Variants in CACNB3 observed in about 807,000 individuals in gnomAD.
The protein encoded by CACNB3 is voltage-dependent L-type calcium channel subunit beta-3.
CACNB3 carries 36 observed loss-of-function variants against 63.7 expected under a neutral mutation model. That is an observed-to-expected ratio of 0.57 (90% confidence interval 0.43 to 0.75). CACNB3 has a LOEUF of 0.75. Ranked by LOEUF, CACNB3 falls within the 30% of genes least tolerant of loss-of-function variation. CACNB3 has a pLI of 0.00. For synonymous variants in CACNB3, 241 were observed against 250.6 expected, an observed-to-expected ratio of 0.96 and a Z score of 0.36; for missense variants, 493 against 648.6, an observed-to-expected ratio of 0.76 and a Z score of 2.61.
At chr12:48,817,894 C>T (rs1942323269), upstream of CACNB3, 1 of 152,316 alleles carries the variant, frequency 6.6e-6, no homozygotes, top group Admixed American at 6.5e-5. Context: ...CTGGCACAAT[C>T]CTTGGCAGGG....
At position 48,826,514 on chromosome 12, in the gene CACNB3, C is replaced by CAAAG; in HGVS notation, c.891_894dup (p.Val299LysfsTer26). 1 of 1,613,886 alleles carries CAAAG rather than the reference C, an allele frequency of 6.2e-7. No individual in the cohort carries two copies. The highest frequency in any genetic ancestry group is 8.5e-7 in the Non-Finnish European group (1 of 1,179,894). On this transcript the variant is annotated frameshift_variant, in exon 10 of 13. Coordinates refer to ENST00000301050, the MANE Select transcript of CACNB3 (RefSeq NM_000725.4). LOFTEE classifies it high-confidence loss of function. This position sits in a 1 kb window ranked among gnomAD's most constrained non-coding sequence, Gnocchi z 4.8. ...ATCGTCTTTGTCAAAGTGTCCTCACCAAAGGTAAGTCAGCTGGGCTCATGG... is the reference window on the plus strand; with the variant it reads ...ATCGTCTTTGTCAAAGTGTCCTCACCAAAGAAAGGTAAGTCAGCTGGGCTCATGG...
In CACNB3 at chr12:48,825,314, G is replaced by C; in HGVS notation, c.573+71G>C. ...GCCACAGGAAGTCCCTAGGGAAAGT[G>C]GAAGGGGTGTGTCTCCTCCGTCCAG... On this transcript the variant is annotated intron_variant, in intron 7 of 12. Transcript: ENST00000301050. This position sits in a 1 kb window ranked among gnomAD's most constrained non-coding sequence, Gnocchi z 4.5. 1 of 1,576,956 alleles carries C rather than the reference G, an allele frequency of 6.3e-7. No homozygotes were observed. Among genetic ancestry groups the C allele is most frequent in the Non-Finnish European group, 8.7e-7 (1 of 1,147,564 alleles).
chr12:48,823,516 C>T lies in CACNB3; in HGVS notation c.168+50C>T. 9 of 1,605,034 alleles carry T rather than the reference C, an allele frequency of 5.6e-6. No individual in the cohort carries two copies. Among genetic ancestry groups the T allele is most frequent in the Non-Finnish European group, 7.7e-6 (9 of 1,175,198 alleles). The stretch of plus-strand genomic sequence containing the variant: ...GACAGGAGGCCAAGCTAGGTGGAAA[C>T]CTGCACTCGGTCCTAAGTCCCAAGG... On this transcript the variant is annotated intron_variant, in intron 2 of 12. Coordinates refer to ENST00000301050, the MANE Select transcript of CACNB3 (RefSeq NM_000725.4). This position sits in a 1 kb window ranked among gnomAD's most constrained non-coding sequence, Gnocchi z 4.2.
In CACNB3 at chr12:48,825,197, C is replaced by T; in HGVS notation, c.527C>T (p.Ser176Phe). The change falls in exon 7 of 13, where the codon TCC becomes TTC. Residue 176 changes from serine to phenylalanine, a missense_variant. By Grantham distance (155) the Ser-to-Phe change is radical. Coordinates refer to ENST00000301050, the MANE Select transcript of CACNB3 (RefSeq NM_000725.4). This position sits in a 1 kb window ranked among gnomAD's most constrained non-coding sequence, Gnocchi z 4.5. The stretch of plus-strand genomic sequence containing the variant: ...GTTCCCCCATATGACGTGGTGCCCT[C>T]CATGCGGCCTGTGGTGCTGGTGGGA... ...EHVPPYDVVP[S>F]MRPVVLVGPS... 1 of 1,614,128 alleles carries T rather than the reference C, an allele frequency of 6.2e-7. No individual in the cohort carries two copies. The highest frequency in any genetic ancestry group is 8.5e-7 in the Non-Finnish European group (1 of 1,180,026).
upstream of CACNB3, chr12:48,814,838 T>G: frequency 2.8e-6 from 1 of 354,758 alleles, no homozygotes; most frequent in Non-Finnish European, 5.1e-6. The surrounding 1 kb of genome is among the most constrained non-coding windows in gnomAD (Gnocchi z 6.9). Flanking sequence ...AGGGCGCGTG[T>G]AGCCGCCGGG....
chr12:48,821,325 T>C (rs961819347), intron 1 of CACNB3: 2 of 152,048 alleles, frequency 1.3e-5, no homozygotes, highest in African/African-American at 4.8e-5. Context: ...AGATCCTGTC[T>C]CTACAAAAAA....
chr12:48,822,471 G>A (rs989756594), intron 1 of CACNB3, among the ~76,000 whole-genome samples: 5 of 152,116 alleles, frequency 3.3e-5, no homozygotes. Flanking sequence ...ACATCCCCGG[G>A]GTCCTGCTCC....
rs1399980171 is a variant in CACNB3 at position 48,826,945 on chromosome 12, C to T, written c.991-29C>T. 6.2e-7 allele frequency: 1 copy of T among 1,613,406 alleles called. No individual in the cohort carries two copies. The highest frequency in any genetic ancestry group is 8.5e-7 in the Non-Finnish European group (1 of 1,179,648). Reference sequence around the variant, plus strand: ...TGGGGGGCTGCTACTGAGGGGAAACCAACGTTGCGCCTTCCTCCCCCTCCC... The same window carrying T: ...TGGGGGGCTGCTACTGAGGGGAAACTAACGTTGCGCCTTCCTCCCCCTCCC... On this transcript the variant is annotated intron_variant, in intron 11 of 12. Coordinates refer to ENST00000301050, the MANE Select transcript of CACNB3 (RefSeq NM_000725.4). The surrounding 1 kb of genome is among the most constrained non-coding windows in gnomAD (Gnocchi z 4.8).
upstream of CACNB3, chr12:48,815,632 C>T: frequency 6.5e-7 from 1 of 1,534,134 alleles, no homozygotes; most frequent in South Asian, 1.2e-5. Context: ...CCGGGTTTTG[C>T]TCCCGCCTCG....
Position 48,823,740 on chromosome 12 carries a change from G to A in CACNB3, c.228G>A (p.Glu76=). ...TNVSYCGVLD[E]ECPVQGSGVN... is the part of the protein sequence containing the mutation. ...TCAGCTACTGTGGCGTACTGGATGA[G>A]GAGTGCCCAGTCCAGGGCTCTGGAG... Residue 76 remains glutamate (E), a synonymous_variant, in exon 3 of 13, where the codon GAG becomes GAA. Coordinates refer to ENST00000301050, the MANE Select transcript of CACNB3 (RefSeq NM_000725.4). This position sits in a 1 kb window ranked among gnomAD's most constrained non-coding sequence, Gnocchi z 4.2. The A allele has an allele frequency of 6.2e-7, 1 of 1,614,126 alleles. No homozygotes were observed. Among genetic ancestry groups the A allele is most frequent in the Non-Finnish European group, 8.5e-7 (1 of 1,179,994 alleles).
intron 3 of CACNB3, 38 bp from the exon 4 acceptor site, chr12:48,824,220 C>G (rs751821093): frequency 8.5e-6 from 13 of 1,529,574 alleles, no homozygotes; most frequent in Middle Eastern, 1.7e-4. Context: ...GGGCGGGGCG[C>G]TTCTCTCACC....
rs886684146 is a variant in CACNB3 at position 48,818,632 on chromosome 12, G to A, written c.-298G>A. 3 of 1,121,598 alleles carry A rather than the reference G, an allele frequency of 2.7e-6. No homozygotes were observed. Among genetic ancestry groups the A allele is most frequent in the South Asian group, 3.5e-5 (1 of 28,782 alleles). 69.5% of individuals were successfully genotyped at this position (1,121,598 alleles called of 1,614,324 possible). On this transcript the variant is annotated 5_prime_UTR_variant, in exon 1 of 13. Coordinates refer to ENST00000301050, the MANE Select transcript of CACNB3 (RefSeq NM_000725.4). The surrounding 1 kb of genome is among the most constrained non-coding windows in gnomAD (Gnocchi z 4.3). Reference sequence around the variant, plus strand: ...CCCCTCGCCGCCCCCGCCTTCTCCCGGGGAGGGGGTCAGGTGGGCGGGCAC... The same window carrying A: ...CCCCTCGCCGCCCCCGCCTTCTCCCAGGGAGGGGGTCAGGTGGGCGGGCAC...
chr12:48,815,571 GGCGTGGGGCGAGGCCAGGCGT>G, upstream of CACNB3: 1 of 1,520,556 alleles, frequency 6.6e-7, no homozygotes, highest in Non-Finnish European at 8.8e-7. Flanking sequence ...GAGCCCGGCG[GGCGTGGGGCGAGGCCAGGCGT>G]GCAGGCGGGA....
intron 1 of CACNB3, among the ~76,000 whole-genome samples, chr12:48,822,720 T>G (rs1937919395): frequency 6.6e-6 from 1 of 152,130 alleles, no homozygotes; most frequent in African/African-American, 2.4e-5. Context: ...GGAGGTAACT[T>G]CTAGGAGCTG....
chr12:48,822,680 A>G (rs908012914), intron 1 of CACNB3, among the ~76,000 whole-genome samples: 3 of 152,164 alleles, frequency 2.0e-5, no homozygotes, highest in Admixed American at 2.0e-4. Flanking sequence ...GTGTGGAAGG[A>G]AGAAAAGTAG....
At chr12:48,815,687 A>C, upstream of CACNB3, 1 of 1,368,006 alleles carries the variant, frequency 7.3e-7, no homozygotes, top group Non-Finnish European at 9.6e-7. Context: ...AGCCTGGTCT[A>C]TGTCTTTTTC....
Position 48,823,755 on chromosome 12 carries a change from G to C in CACNB3, c.243G>C (p.Gln81His), listed in dbSNP as rs748191475. The change falls in exon 3 of 13, where the codon CAG becomes CAC. Residue 81 changes from glutamine to histidine, a missense_variant. By Grantham distance (24) the Gln-to-His change is conservative. Transcript: ENST00000301050. This position sits in a 1 kb window ranked among gnomAD's most constrained non-coding sequence, Gnocchi z 4.2. Reference sequence around the variant, plus strand: ...TACTGGATGAGGAGTGCCCAGTCCAGGGCTCTGGAGTCAACTTTGAGGCCA... The same window carrying C: ...TACTGGATGAGGAGTGCCCAGTCCACGGCTCTGGAGTCAACTTTGAGGCCA... ...CGVLDEECPV[Q>H]GSGVNFEAKD... 1 of 1,614,006 alleles carries C rather than the reference G, an allele frequency of 6.2e-7. No individual in the cohort carries two copies. Among genetic ancestry groups the C allele is most frequent in the Admixed American group, 1.7e-5 (1 of 60,002 alleles).
chr12:48,819,076 C>A, intron 1 of CACNB3, 102 bp downstream of exon 1: 2 of 1,294,994 alleles, frequency 1.5e-6, no homozygotes, highest in Non-Finnish European at 2.2e-6. Flanking sequence ...GCCTCAGTGG[C>A]AGGGCAGGGT....
rs1448943025 is a variant in CACNB3, at chr12:48,818,600, C to CCGCCGCCCCCT, written c.-319_-309dup. The CCGCCGCCCCCT allele has an allele frequency of 6.7e-5, 73 of 1,092,228 alleles. No homozygotes were observed. The South Asian group carries it at 1.7e-3, about 26-fold the overall frequency. The allele number at this position is 1,092,228 out of a possible 1,614,324, so 67.7% of individuals were successfully genotyped here. A position where few individuals can be genotyped will look rare whatever the true frequency, so the allele number is the denominator to read the frequency against. ...CGGCCTGGCCCGGGCTCCCCGGTGG[C>CCGCCGCCCCCT]CGCCGCCCCCTCGCCGCCCCCGCCT... On this transcript the variant is annotated 5_prime_UTR_variant, in exon 1 of 13. Coordinates refer to ENST00000301050, the MANE Select transcript of CACNB3 (RefSeq NM_000725.4). The surrounding 1 kb of genome is among the most constrained non-coding windows in gnomAD (Gnocchi z 4.3).
Sources: allele counts gnomAD v4.1 joint callset (sites outside exome capture counted in the v4.1 genomes callset), GRCh38; gene constraint gnomAD v4.1.1; non-coding constraint Gnocchi (gnomAD v3.1); transcripts MANE v1.5; gene names NCBI Gene and HGNC (gene_info 2026-07-23, HGNC 2026-07-21).